Variants in DAB1 observed in about 807,000 individuals in gnomAD.
DAB1 encodes the protein DAB adaptor protein 1, also known as disabled homolog 1.
Under a neutral mutation model 64.6 loss-of-function variants are expected in DAB1, and 15 were observed. The observed-to-expected ratio is 0.23, with a 90% CI of 0.16 to 0.36. The LOEUF (loss-of-function observed/expected upper bound fraction) is 0.36, where lower values mean the gene tolerates loss of function less well. Among genes scored for constraint, DAB1 ranks in the 10% least tolerant of loss-of-function variants. DAB1 has a pLI of 1.00. For missense variants in DAB1, 596 were observed against 706.7 expected, an observed-to-expected ratio of 0.84 and a Z score of 1.78; for synonymous variants, 235 against 251.9, an observed-to-expected ratio of 0.93 and a Z score of 0.64.
chr1:58,503,196 G>GA lies in DAB1; in HGVS notation n.257+2863dup, dbSNP rs916502126. Reference sequence around the variant, plus strand: ...GAATTTCATTGAGCGAAAATAAAAAGAAAAAAAATTCAAGAGAAAATCATA... The same window carrying GA: ...GAATTTCATTGAGCGAAAATAAAAAGAAAAAAAAATTCAAGAGAAAATCATA... On this transcript the variant is annotated intron_variant and non_coding_transcript_variant, in intron 3 of 20. Transcript: ENST00000485760. 5.3e-5 allele frequency among the ~76,000 whole-genome samples: 8 copies of GA among 151,910 alleles called. No homozygotes were observed. In the South Asian group the frequency reaches 1.7e-3, roughly 32 times the overall value.
chr1:57,266,322 A>G (rs1301007550), intron 2 of DAB1, among the ~76,000 whole-genome samples: 2 of 152,176 alleles, frequency 1.3e-5, no homozygotes, highest in African/African-American at 4.8e-5. Flanking sequence ...TCTCATTTCT[A>G]CTGCTCCCCT....
chr1:58,472,755 C>T (rs1645373722), intron 3 of DAB1, among the ~76,000 whole-genome samples: 1 of 152,256 alleles, frequency 6.6e-6, no homozygotes, highest in Non-Finnish European at 1.5e-5. Context: ...CCTTCTTACA[C>T]TTGTCTCTTG....
chr1:57,087,791 G>C (rs1319669124), intron 4 of DAB1, among the ~76,000 whole-genome samples: 5 of 152,184 alleles, frequency 3.3e-5, no homozygotes, highest in Admixed American at 3.3e-4. Context: ...TTGCTCAGAA[G>C]ACTTGCTATT....
chr1:57,442,112 T>C (rs908493375), intron 7 of DAB1, among the ~76,000 whole-genome samples: 2 of 152,232 alleles, frequency 1.3e-5, no homozygotes, highest in African/African-American at 4.8e-5. Context: ...GGTGTGAATT[T>C]GGTTAAGTTC....
At chr1:57,953,175 T>C (rs1645313801) in intron 5 of DAB1, among the ~76,000 whole-genome samples, 1 of 152,230 alleles carries the variant, frequency 6.6e-6, no homozygotes, top group Non-Finnish European at 1.5e-5. Flanking sequence ...ACAAGTTTCC[T>C]TGCCATCCCA....
chr1:57,836,961 A>C (rs1003270423), intron 1 of DAB1, among the ~76,000 whole-genome samples: 4 of 152,154 alleles, frequency 2.6e-5, no homozygotes, highest in African/African-American at 9.7e-5. Context: ...CTGACTGCTC[A>C]AACCAGAAAC....
At chr1:57,371,313 T>C (rs1353983720) in intron 1 of DAB1, among the ~76,000 whole-genome samples, 1 of 152,220 alleles carries the variant, frequency 6.6e-6, no homozygotes, top group Non-Finnish European at 1.5e-5. Flanking sequence ...AACACATGTC[T>C]GATGGCATAT....
intron 6 of DAB1, among the ~76,000 whole-genome samples, chr1:57,788,074 T>C (rs1236917401): frequency 6.6e-6 from 1 of 152,054 alleles, no homozygotes; most frequent in Non-Finnish European, 1.5e-5. Context: ...GGAAAGTAAA[T>C]GTTACAATCC....
intron 1 of DAB1, chr1:57,876,076 TG>T (rs1644040708): frequency 6.6e-6 from 1 of 152,178 alleles, no homozygotes; most frequent in Non-Finnish European, 1.5e-5. Context: ...GTCTCTAAGC[TG>T]GAAACAGAAG....
chr1:57,135,737 T>C (rs1328095480), intron 4 of DAB1, among the ~76,000 whole-genome samples: 1 of 152,176 alleles, frequency 6.6e-6, no homozygotes, highest in East Asian at 1.9e-4. Context: ...ACCAAGGTAA[T>C]GTAACTCCGC....
At chr1:57,209,406 C>A (rs572593490) in intron 2 of DAB1, among the ~76,000 whole-genome samples, 1 of 152,226 alleles carries the variant, frequency 6.6e-6, no homozygotes, top group African/African-American at 2.4e-5. Flanking sequence ...CTGTTCTTCA[C>A]GTTGCAAACT....
At chr1:57,842,594 C>G (rs563896156) in intron 1 of DAB1, among the ~76,000 whole-genome samples, 1 of 152,278 alleles carries the variant, frequency 6.6e-6, no homozygotes, top group East Asian at 1.9e-4. Flanking sequence ...AACTTACAAT[C>G]ATGGCAGAAG....
chr1:57,460,032 G>A (rs111235532), intron 7 of DAB1, among the ~76,000 whole-genome samples: 5,093 of 152,200 alleles, frequency 0.033, 286 homozygotes, highest in African/African-American at 0.11. Context: ...AATATTTGTG[G>A]GGCTACCACT....
chr1:57,571,501 T>C (rs1645193837), intron 7 of DAB1, among the ~76,000 whole-genome samples: 1 of 152,180 alleles, frequency 6.6e-6, no homozygotes, highest in African/African-American at 2.4e-5. Context: ...GGACATGGCA[T>C]AGATTAGCTG....
intron 3 of DAB1, among the ~76,000 whole-genome samples, chr1:58,418,999 A>G (rs556198610): frequency 3.9e-5 from 6 of 152,320 alleles, no homozygotes; most frequent in Admixed American, 3.9e-4. Flanking sequence ...TGAATTCTTA[A>G]GAGCCAGCAC....
intron 6 of DAB1, among the ~76,000 whole-genome samples, chr1:57,769,363 T>G (rs917256088): frequency 1.3e-5 from 2 of 152,182 alleles, no homozygotes; most frequent in African/African-American, 4.8e-5. Context: ...CTGGGTCTTG[T>G]GAGGATCAAC....
chr1:58,380,363 T>C (rs1306535263), intron 3 of DAB1, among the ~76,000 whole-genome samples: 2 of 152,198 alleles, frequency 1.3e-5, no homozygotes, highest in Non-Finnish European at 2.9e-5. Flanking sequence ...CCCATTCACC[T>C]TCCATCACGA....
intron 9 of DAB1, among the ~76,000 whole-genome samples, chr1:57,028,499 C>T (rs1646862990): frequency 6.6e-6 from 1 of 152,132 alleles, no homozygotes; most frequent in Non-Finnish European, 1.5e-5. Context: ...GTGGAAGCAA[C>T]TTTGGAACTG....
chr1:58,232,700 G>A (rs1330582185), intron 4 of DAB1, among the ~76,000 whole-genome samples: 1 of 152,206 alleles, frequency 6.6e-6, no homozygotes, highest in Non-Finnish European at 1.5e-5. Flanking sequence ...CGGAGATGGT[G>A]ATGTTTGAGT....
Sources: allele counts gnomAD v4.1 joint callset (sites outside exome capture counted in the v4.1 genomes callset), GRCh38; gene constraint gnomAD v4.1.1; transcripts MANE v1.5; gene names NCBI Gene and HGNC (gene_info 2026-07-23, HGNC 2026-07-21).